Variants in CWC27 observed in about 807,000 individuals in gnomAD.
The protein encoded by CWC27 is spliceosome-associated protein CWC27 homolog.
A neutral mutation model predicts 63.6 loss-of-function variants in CWC27; 47 were observed. That is an observed-to-expected ratio of 0.74 (90% CI 0.58 to 0.94). The LOEUF is 0.94. Among genes scored for constraint, CWC27 ranks in the 40% least tolerant of loss-of-function variants. The probability of loss-of-function intolerance (pLI) is 0.00; values close to 1 mark genes in which losing one functional copy is unlikely to be tolerated. For synonymous variants in CWC27, 175 were observed against 179.8 expected (o/e 0.97, Z 0.22); for missense variants, 495 against 554.3 (o/e 0.89, Z 1.07).
At chr5:64,973,068 G>A (rs916676661) in intron 12 of CWC27, among the ~76,000 whole-genome samples, 1 of 152,162 alleles carries the variant, frequency 6.6e-6, no homozygotes, top group African/African-American at 2.4e-5. Context: ...AGCATGGCTA[G>A]ACAAAAGGAA....
chr5:64,810,865 G>T (rs1172847023), intron 10 of CWC27, among the ~76,000 whole-genome samples: 1 of 152,010 alleles, frequency 6.6e-6, no homozygotes, highest in Non-Finnish European at 1.5e-5. Context: ...GTTCAACAGG[G>T]TTAAGACATT....
In CWC27 at chr5:64,939,649, T is replaced by C. The variant is rs1748430275; in HGVS notation, c.1043-32054T>C. On this transcript the variant is annotated intron_variant, in intron 11 of 13. Transcript: ENST00000381070. The stretch of plus-strand genomic sequence containing the variant: ...CCTTAGCAGAGCTCGAGTGCTGTGC[T>C]GGGAGATCGCTGCTCTCTTTAGAGC... Among the ~76,000 whole-genome samples, 3 of 152,374 alleles carry C rather than the reference T, an allele frequency of 2.0e-5. No homozygotes were observed. In the South Asian group the frequency reaches 6.2e-4, roughly 32 times the overall value.
chr5:64,886,060 TTTTG>T (rs1217677439), intron 11 of CWC27, among the ~76,000 whole-genome samples: 1 of 152,148 alleles, frequency 6.6e-6, no homozygotes, highest in African/African-American at 2.4e-5. Context: ...TAATTTTGTT[TTTTG>T]TTTGTTTTTT....
At chr5:64,802,449 GT>G (rs1247538084) in intron 9 of CWC27, among the ~76,000 whole-genome samples, 5 of 152,256 alleles carry the variant, frequency 3.3e-5, no homozygotes, top group African/African-American at 1.2e-4. Flanking sequence ...GTTGAAAGGT[GT>G]TTGTTAAAAA....
chr5:64,781,918 C>A lies in CWC27; in HGVS notation c.140-3C>A. 4 of 1,441,688 alleles carry A rather than the reference C, an allele frequency of 2.8e-6. No individual in the cohort carries two copies. The highest frequency in any genetic ancestry group is 3.9e-5 in the Admixed American group (2 of 51,472). The allele number at this position is 1,441,688 out of a possible 1,614,324, so 89.3% of individuals were successfully genotyped here. A position where few individuals can be genotyped will look rare whatever the true frequency, so the allele number is the denominator to read the frequency against. On this transcript the variant is annotated splice_polypyrimidine_tract_variant and splice_region_variant and intron_variant, in intron 2 of 13. Coordinates refer to ENST00000381070, the MANE Select transcript of CWC27 (RefSeq NM_005869.4). ...TGATAAATTATTTTTATTTTTTTTTCAGCTTATTATGACAATACCATTTTT... is the reference window on the plus strand; with the variant it reads ...TGATAAATTATTTTTATTTTTTTTTAAGCTTATTATGACAATACCATTTTT...
chr5:64,783,783 C>G, intron 3 of CWC27, 53 bp from the exon 4 acceptor site: 1 of 1,413,610 alleles, frequency 7.1e-7, no homozygotes, highest in Non-Finnish European at 9.3e-7. Flanking sequence ...TGAATAACTG[C>G]ATATGAAGGG....
intron 10 of CWC27, among the ~76,000 whole-genome samples, chr5:64,805,531 G>A (rs1744639319): frequency 6.6e-6 from 1 of 151,386 alleles, no homozygotes; most frequent in South Asian, 2.1e-4. Context: ...CTCATTCAAG[G>A]CATGTGTTTT....
intron 13 of CWC27, among the ~76,000 whole-genome samples, chr5:65,010,350 T>C (rs935697465): frequency 1.3e-5 from 2 of 152,168 alleles, no homozygotes; most frequent in African/African-American, 4.8e-5. Flanking sequence ...AATTGTTTGG[T>C]CTTGCTGAGA....
intron 12 of CWC27, chr5:64,972,741 C>CTCAT: frequency 2.3e-6 from 1 of 443,282 alleles, no homozygotes; most frequent in Non-Finnish European, 4.5e-6. Flanking sequence ...CTAAGGATGA[C>CTCAT]TCATTCATTC....
intron 13 of CWC27, among the ~76,000 whole-genome samples, chr5:64,996,186 G>T (rs770367892): frequency 3.3e-5 from 5 of 152,066 alleles, no homozygotes; most frequent in Non-Finnish European, 5.9e-5. Flanking sequence ...GTTGCAGAAG[G>T]TATACCATCT....
intron 13 of CWC27, among the ~76,000 whole-genome samples, chr5:64,979,458 A>C (rs1265748239): frequency 1.3e-5 from 2 of 152,230 alleles, no homozygotes; most frequent in Non-Finnish European, 2.9e-5. Flanking sequence ...ATTGCAATTT[A>C]GACCTTGGAT....
chr5:64,925,941 T>C (rs1748102557), intron 11 of CWC27, among the ~76,000 whole-genome samples: 1 of 152,166 alleles, frequency 6.6e-6, no homozygotes, highest in African/African-American at 2.4e-5. Flanking sequence ...TCATGTACCA[T>C]CTCAAACACC....
chr5:64,782,757 G>A (rs1743745906), intron 3 of CWC27, among the ~76,000 whole-genome samples: 1 of 152,104 alleles, frequency 6.6e-6, no homozygotes, highest in Non-Finnish European at 1.5e-5. Flanking sequence ...CTTTTAATGA[G>A]TCATTGTGTG....
intron 13 of CWC27, among the ~76,000 whole-genome samples, chr5:65,001,575 T>TCATA (rs201385805): frequency 0.01 from 1,534 of 152,266 alleles, 28 homozygotes; most frequent in African/African-American, 0.035. Context: ...ATCAAGACAA[T>TCATA]CATACAATTT....
chr5:64,803,767 A>G (rs1744564693), intron 9 of CWC27, among the ~76,000 whole-genome samples: 1 of 152,152 alleles, frequency 6.6e-6, no homozygotes, highest in South Asian at 2.1e-4. Context: ...GGGACCCACT[A>G]GAGGGTTTTC....
intron 13 of CWC27, among the ~76,000 whole-genome samples, chr5:64,988,135 A>G (rs1749469863): frequency 6.6e-6 from 1 of 152,086 alleles, no homozygotes; most frequent in Non-Finnish European, 1.5e-5. Context: ...AATTTTGATT[A>G]TTGTATTTTT....
chr5:64,769,167 G>A lies in CWC27; in HGVS notation c.21G>A (p.Gln7=), dbSNP rs1458442646. Residue 7 remains glutamine, a synonymous_variant, in exon 1 of 14, where the codon CAG becomes CAA. Transcript: ENST00000381070. MSNIYI[Q]EPPTNGKVLL... ...CCAAGATGAGCAACATCTACATCCA[G>A]GAGCCTCCCACGAATGGGAAGGTGA... The A allele has an allele frequency of 6.2e-7, 1 of 1,614,072 alleles. No homozygotes were observed. The highest frequency in any genetic ancestry group is 1.7e-5 in the Admixed American group (1 of 60,022).
At chr5:64,777,979 T>C (rs959374805) in intron 2 of CWC27, among the ~76,000 whole-genome samples, 19 of 151,990 alleles carry the variant, frequency 1.3e-4, no homozygotes, top group Admixed American at 6.6e-5. Flanking sequence ...ATTTCATGCA[T>C]TCAACAGGAA....
intron 13 of CWC27, among the ~76,000 whole-genome samples, chr5:64,997,602 G>A (rs1749657176): frequency 6.6e-6 from 1 of 151,912 alleles, no homozygotes; most frequent in African/African-American, 2.4e-5. Context: ...ATTAACTTAA[G>A]GTTGGTTTCT....
Sources: allele counts gnomAD v4.1 joint callset (sites outside exome capture counted in the v4.1 genomes callset), GRCh38; gene constraint gnomAD v4.1.1; transcripts MANE v1.5; gene names NCBI Gene and HGNC (gene_info 2026-07-23, HGNC 2026-07-21).